MYLK3: variants seen among roughly 807,000 people sequenced by gnomAD.
MYLK3 encodes myosin light chain kinase 3, also known as MLC kinase.
In MYLK3, 55 loss-of-function variants were observed where a neutral mutation model predicts 76.3. The ratio of observed to expected loss-of-function variants is 0.72; its 90% CI spans 0.58 to 0.90. The LOEUF is 0.90. Ranked by LOEUF, MYLK3 falls within the 40% of genes least tolerant of loss-of-function variation. The pLI, the probability that MYLK3 is intolerant of heterozygous loss-of-function variation, is 0.00. For synonymous variants in MYLK3, 416 were observed against 425.4 expected, an observed-to-expected ratio of 0.98 and a Z score of 0.27; for missense variants, 973 against 1,053.6, an observed-to-expected ratio of 0.92 and a Z score of 1.06.
At chr16:46,758,379 G>A (rs995709199) in intron 1 of MYLK3, among the ~76,000 whole-genome samples, 10 of 151,934 alleles carry the variant, frequency 6.6e-5, no homozygotes, top group African/African-American at 1.2e-4. Flanking sequence ...CTTGGCTGAC[G>A]GGAAGGAGAG....
At chr16:46,736,090 C>T (rs1966867386) in intron 3 of MYLK3, among the ~76,000 whole-genome samples, 1 of 152,188 alleles carries the variant, frequency 6.6e-6, no homozygotes. Flanking sequence ...TCACTACAGC[C>T]TCAACCTCCT....
intron 9 of MYLK3, among the ~76,000 whole-genome samples, chr16:46,713,927 G>A (rs1966710399): frequency 6.6e-6 from 1 of 152,164 alleles, no homozygotes; most frequent in South Asian, 2.1e-4. Flanking sequence ...TTTTGAAGCT[G>A]AACAGTATTC....
chr16:46,743,370 A>G (rs181236234), intron 1 of MYLK3, among the ~76,000 whole-genome samples: 13 of 152,210 alleles, frequency 8.5e-5, no homozygotes, highest in Non-Finnish European at 1.9e-4. Flanking sequence ...AGAAGCCTCC[A>G]TAATGCACGG....
chr16:46,712,667 C>T lies in MYLK3; in HGVS notation c.2095G>A (p.Gly699Arg). The T allele has an allele frequency of 6.4e-7, 1 of 1,563,548 alleles. No individual in the cohort carries two copies. Among genetic ancestry groups the T allele is most frequent in the South Asian group, 1.2e-5 (1 of 83,926 alleles). The change falls in exon 10 of 13, where the codon GGA becomes AGA. Residue 699 changes from glycine (G) to arginine (R), a missense_variant. Coordinates refer to ENST00000394809, the MANE Select transcript of MYLK3 (RefSeq NM_182493.3). ...ACTCACAGCATGTAGGTGATGACTC[C>T]CACACTCCACATGTCTGTGGGGAAT... ...VSFPTDMWSV[G>R]VITYMLLSGL...
At chr16:46,762,612 G>A (rs889249553) in intron 1 of MYLK3, among the ~76,000 whole-genome samples, 3 of 152,176 alleles carry the variant, frequency 2.0e-5, no homozygotes, top group African/African-American at 7.2e-5. Flanking sequence ...ACATGTCACG[G>A]GGAAGGAACA....
At chr16:46,761,829 A>G (rs935403079) in intron 1 of MYLK3, among the ~76,000 whole-genome samples, 1 of 152,082 alleles carries the variant, frequency 6.6e-6, no homozygotes, top group African/African-American at 2.4e-5. Context: ...AAACAAAACA[A>G]AACAAAAAAC....
chr16:46,721,316 CA>C, intron 8 of MYLK3, 123 bp from the exon 9 acceptor site: 1 of 787,992 alleles, frequency 1.3e-6, no homozygotes, highest in Non-Finnish European at 2.2e-6. Flanking sequence ...GGCAGCCCTG[CA>C]AGGGCTGGAT....
chr16:46,747,965 C>T lies in MYLK3; in HGVS notation c.229G>A (p.Gly77Arg), dbSNP rs143624767. 133 of 1,613,086 alleles carry T rather than the reference C, an allele frequency of 8.2e-5. No individual in the cohort carries two copies. Among genetic ancestry groups the T allele is most frequent in the African/African-American group, 5.3e-4 (40 of 75,066 alleles). Residue 77 changes from glycine (G) to arginine (R), a missense_variant, in exon 1 of 13, where the codon GGG becomes AGG. Gly to Arg is a moderately radical substitution (Grantham distance 125, BLOSUM62 -2). Transcript: ENST00000394809. ...LEASRAPGPG[G>R]ADGVPHIDTQ... Reference sequence around the variant, plus strand: ...TCAATGTGGGGAACCCCATCAGCCCCGCCCGGGCCCGGTGCCCGGGAGGCC... The same window carrying T: ...TCAATGTGGGGAACCCCATCAGCCCTGCCCGGGCCCGGTGCCCGGGAGGCC...
Position 46,709,667 on chromosome 16 carries a change from T to G in MYLK3, c.2272A>C (p.Arg758=). The change falls in exon 12 of 13, where the codon AGA becomes CGA. Residue 758 remains arginine, a synonymous_variant. Coordinates refer to ENST00000394809, the MANE Select transcript of MYLK3 (RefSeq NM_182493.3). ...TTCAGGCACTGTGTGGCACTCATTCTGCAGCTGTGAAATCAAAGAGCAGTT... is the reference window on the plus strand; with the variant it reads ...TTCAGGCACTGTGTGGCACTCATTCGGCAGCTGTGAAATCAAAGAGCAGTT... The part of the protein sequence containing the change: ...SRLLVKEKSC[R]MSATQCLKHE... 1 of 1,609,954 alleles carries G rather than the reference T, an allele frequency of 6.2e-7. No homozygotes were observed. The highest frequency in any genetic ancestry group is 8.5e-7 in the Non-Finnish European group (1 of 1,179,056).
intron 7 of MYLK3, among the ~76,000 whole-genome samples, chr16:46,728,801 G>A (rs1353310970): frequency 3.3e-5 from 5 of 152,204 alleles, no homozygotes; most frequent in Non-Finnish European, 7.3e-5. Context: ...ACACCTGCAG[G>A]TCAAATCAGG....
At position 46,714,085 on chromosome 16, in the gene MYLK3, C is replaced by T. The variant is rs576082652; in HGVS notation, c.1986-1309G>A. 7.9e-5 allele frequency among the ~76,000 whole-genome samples: 12 copies of T among 152,150 alleles called. 1 individual carries two copies. In the South Asian group the frequency reaches 1.7e-3, roughly 21 times the overall value. On this transcript the variant is annotated intron_variant, in intron 9 of 12. Transcript: ENST00000394809. ...AGTTTAAGGCTAGGAAGAGAGTCAA[C>T]GGTTGAGTGGGAAAGGGGGGCAAAC...
At chr16:46,741,901 G>T (rs1390086258) in intron 1 of MYLK3, among the ~76,000 whole-genome samples, 2 of 152,042 alleles carry the variant, frequency 1.3e-5, no homozygotes, top group African/African-American at 2.4e-5. Context: ...CTCACGAGTA[G>T]CTGGGACTAC....
At position 46,704,737 on chromosome 16, in the gene MYLK3, G is replaced by A. The variant is rs1966608698; in HGVS notation, c.*2967C>T. On this transcript the variant is annotated 3_prime_UTR_variant, in exon 13 of 13. Transcript: ENST00000394809. ...GCCTGTACTATATTTTTGTTGGGCA[G>A]TGCTGCTCTAGATATGGTAATTAAC... is the stretch of plus-strand genomic sequence containing the variant. 1 of 152,182 alleles carries A rather than the reference G, an allele frequency of 6.6e-6. No homozygotes were observed. The highest frequency in any genetic ancestry group is 2.1e-4 in the South Asian group (1 of 4,836). The allele number at this position is 152,182 out of a possible 1,614,324, so 9.4% of individuals were successfully genotyped here. A position where few individuals can be genotyped will look rare whatever the true frequency, so the allele number is the denominator to read the frequency against.
chr16:46,714,369 C>A (rs1304798334), intron 9 of MYLK3, among the ~76,000 whole-genome samples: 1 of 152,224 alleles, frequency 6.6e-6, no homozygotes, highest in East Asian at 1.9e-4. Flanking sequence ...AGAGAGCAGT[C>A]TCCTCTCCTC....
chr16:46,728,527 C>G (rs1966846635), intron 7 of MYLK3, among the ~76,000 whole-genome samples: 1 of 152,112 alleles, frequency 6.6e-6, no homozygotes, highest in Admixed American at 6.5e-5. Context: ...TCAAGACCAG[C>G]CTGGGCGACA....
At chr16:46,730,546 C>G in intron 5 of MYLK3, 47 bp downstream of exon 5, 1 of 1,531,734 alleles carries the variant, frequency 6.5e-7, no homozygotes, top group Non-Finnish European at 9.0e-7. Flanking sequence ...GACCCTGCCC[C>G]GTGACTCCTG....
At chr16:46,729,931 G>A in intron 5 of MYLK3, 1 of 585,836 alleles carries the variant, frequency 1.7e-6, no homozygotes, top group East Asian at 2.9e-5. Flanking sequence ...CACCACTGAG[G>A]CCATCCTGCA....
chr16:46,707,808 T>C, intron 12 of MYLK3, 45 bp from the exon 13 acceptor site: 2 of 1,427,430 alleles, frequency 1.4e-6, no homozygotes, highest in Non-Finnish European at 2.0e-6. Context: ...GCATGTATTT[T>C]AGACCAGTTG....
intron 9 of MYLK3, 25 bp downstream of exon 9, chr16:46,721,098 A>C: frequency 6.2e-7 from 1 of 1,605,246 alleles, no homozygotes; most frequent in African/African-American, 1.3e-5. Context: ...AATTTTGTTA[A>C]GGTATCTAAA....
Sources: gnomAD v4.1 joint callset for allele counts (sites outside exome capture counted in the v4.1 genomes callset) on GRCh38, gnomAD v4.1.1 for gene constraint, MANE v1.5 for transcripts, NCBI Gene and HGNC (gene_info 2026-07-23, HGNC 2026-07-21) for gene names.